PLEKHM3: variants seen among roughly 807,000 people sequenced by gnomAD.
PLEKHM3 encodes the protein pleckstrin homology domain-containing family M member 3.
A neutral mutation model predicts 81.8 loss-of-function variants in PLEKHM3; 45 were observed. That is an observed-to-expected ratio of 0.55 (90% confidence interval 0.43 to 0.71). PLEKHM3 has a LOEUF of 0.71. Ranked by LOEUF, PLEKHM3 falls within the 30% of genes least tolerant of loss-of-function variation. PLEKHM3 has a pLI of 0.00. For synonymous variants in PLEKHM3, 352 were observed against 356.4 expected (o/e 0.99, Z 0.14); for missense variants, 788 against 924.3 (o/e 0.85, Z 1.91).
At chr2:207,979,850 C>T (rs1264064108) in intron 2 of PLEKHM3, among the ~76,000 whole-genome samples, 1 of 152,196 alleles carries the variant, frequency 6.6e-6, no homozygotes, top group Non-Finnish European at 1.5e-5. Context: ...GTTTTACCTG[C>T]TTTACATCTC....
At chr2:207,973,873 GC>G (rs778254552) in intron 3 of PLEKHM3, among the ~76,000 whole-genome samples, 13 of 152,160 alleles carry the variant, frequency 8.5e-5, no homozygotes, top group Non-Finnish European at 1.2e-4. Flanking sequence ...AAATGGAACA[GC>G]TTTTCTTTCT....
At chr2:207,836,318 T>TGTC (rs569667064) in intron 7 of PLEKHM3, among the ~76,000 whole-genome samples, 1 of 131,852 alleles carries the variant, frequency 7.6e-6, no homozygotes, top group African/African-American at 2.8e-5. Context: ...AGAGAGAGTC[T>TGTC]AAAAAAAAAA....
chr2:207,966,028 G>A (rs956793008), intron 3 of PLEKHM3, among the ~76,000 whole-genome samples: 2 of 152,208 alleles, frequency 1.3e-5, no homozygotes, highest in Non-Finnish European at 2.9e-5. Flanking sequence ...CCAGACAGAG[G>A]TGGAAGAGTT....
At chr2:207,917,718 T>G (rs931951233) in intron 5 of PLEKHM3, among the ~76,000 whole-genome samples, 10 of 152,126 alleles carry the variant, frequency 6.6e-5, no homozygotes, top group African/African-American at 2.2e-4. Context: ...CATGATGGCA[T>G]GCAGCTGTAG....
intron 2 of PLEKHM3, among the ~76,000 whole-genome samples, chr2:207,994,874 C>T (rs991127388): frequency 6.6e-6 from 1 of 152,122 alleles, no homozygotes; most frequent in Non-Finnish European, 1.5e-5. Context: ...CTAGCACAGC[C>T]GACATTCCTT....
chr2:208,025,503 A>C lies in PLEKHM3; in HGVS notation c.-433T>G, dbSNP rs1000291854. 2.0e-5 allele frequency: 3 copies of C among 152,296 alleles called. No homozygotes were observed. The highest frequency in any genetic ancestry group is 7.2e-5 in the African/African-American group (3 of 41,440). The allele number at this position is 152,296 out of a possible 1,614,324, so 9.4% of individuals were successfully genotyped here. A position where few individuals can be genotyped will look rare whatever the true frequency, so the allele number is the denominator to read the frequency against. On this transcript the variant is annotated 5_prime_UTR_variant, in exon 1 of 8. Coordinates refer to ENST00000427836, the MANE Select transcript of PLEKHM3 (RefSeq NM_001080475.3). ...ACGGTGACAGCCCGCCCGGGCGCTG[A>C]CCATCCCGGCCCGGCTCTGTTTACA...
intron 2 of PLEKHM3, among the ~76,000 whole-genome samples, chr2:207,991,630 GCT>G (rs1691903413): frequency 6.6e-6 from 1 of 152,082 alleles, no homozygotes; most frequent in African/African-American, 2.4e-5. Context: ...GAGATGCCCT[GCT>G]CTCTCTCTTC....
intron 7 of PLEKHM3, among the ~76,000 whole-genome samples, chr2:207,844,363 C>T (rs978769809): frequency 2.0e-5 from 3 of 147,296 alleles, no homozygotes; most frequent in Non-Finnish European, 4.5e-5. Flanking sequence ...AGTGCAGTGG[C>T]GCGATCTCGG....
chr2:207,892,801 A>AG (rs1222186427), intron 6 of PLEKHM3, among the ~76,000 whole-genome samples: 1 of 152,256 alleles, frequency 6.6e-6, no homozygotes, highest in South Asian at 2.1e-4. Context: ...AAAACACAGT[A>AG]GGGGCCAAGA....
chr2:207,987,874 C>A (rs763303073), intron 2 of PLEKHM3, among the ~76,000 whole-genome samples: 3 of 152,174 alleles, frequency 2.0e-5, no homozygotes, highest in Non-Finnish European at 4.4e-5. Context: ...GGACTCCTAG[C>A]TTCTCAAGAT....
chr2:207,880,427 A>T (rs1243405123), intron 6 of PLEKHM3, among the ~76,000 whole-genome samples: 1 of 145,834 alleles, frequency 6.9e-6, no homozygotes, highest in Non-Finnish European at 1.5e-5. Flanking sequence ...AAAAAAACGC[A>T]AATTGATGTA....
chr2:207,956,968 G>C (rs1407078080), intron 3 of PLEKHM3, among the ~76,000 whole-genome samples: 2 of 152,004 alleles, frequency 1.3e-5, no homozygotes, highest in Non-Finnish European at 2.9e-5. Context: ...TTAGGTGGTG[G>C]TCTTGGAAAC....
chr2:207,858,134 A>ATGTGTGTG (rs1491285509), intron 7 of PLEKHM3, among the ~76,000 whole-genome samples: 7 of 120,412 alleles, frequency 5.8e-5, no homozygotes, highest in African/African-American at 2.0e-4. Context: ...TTTCATATAG[A>ATGTGTGTG]TATGTGTGTG....
At chr2:207,927,415 C>T (rs897110287) in intron 5 of PLEKHM3, among the ~76,000 whole-genome samples, 3 of 148,812 alleles carry the variant, frequency 2.0e-5, no homozygotes, top group Non-Finnish European at 4.4e-5. Flanking sequence ...ACTCAGGAGG[C>T]TGAGGCAGGA....
At chr2:207,851,920 C>T (rs2092414943) in intron 7 of PLEKHM3, among the ~76,000 whole-genome samples, 1 of 151,980 alleles carries the variant, frequency 6.6e-6, no homozygotes, top group Admixed American at 6.6e-5. Flanking sequence ...TGAACCTGAC[C>T]CGCCAAGGGA....
chr2:207,901,200 A>G lies in PLEKHM3; in HGVS notation c.1950+7314T>C, dbSNP rs375605389. ...TTCTGATCTGGCTTCCACAAAAGGC[A>G]GTGACTTTGTCCTTAGTGCCGCACA... On this transcript the variant is annotated intron_variant, in intron 6 of 7. Transcript: ENST00000427836. 4.4e-5 allele frequency: 31 copies of G among 700,182 alleles called. No homozygotes were observed. In the African/African-American group the frequency reaches 5.1e-4, roughly 11 times the overall value. The allele number at this position is 700,182 out of a possible 1,614,324, so 43.4% of individuals were successfully genotyped here.
At chr2:207,855,873 C>T (rs574631695) in intron 7 of PLEKHM3, among the ~76,000 whole-genome samples, 4 of 152,076 alleles carry the variant, frequency 2.6e-5, no homozygotes, top group African/African-American at 7.2e-5. Context: ...ATATGGTATC[C>T]GGGAACAGAA....
intron 5 of PLEKHM3, among the ~76,000 whole-genome samples, chr2:207,915,667 CAT>C (rs1688968097): frequency 6.6e-6 from 1 of 152,170 alleles, no homozygotes; most frequent in African/African-American, 2.4e-5. Flanking sequence ...AACATACACA[CAT>C]GTAAAATTAA....
intron 6 of PLEKHM3, among the ~76,000 whole-genome samples, chr2:207,893,629 A>G (rs1688131848): frequency 6.6e-6 from 1 of 152,198 alleles, no homozygotes; most frequent in Admixed American, 6.5e-5. Flanking sequence ...GATAGGAATT[A>G]AAATTAGTCA....
Sources: gnomAD v4.1 joint callset for allele counts (sites outside exome capture counted in the v4.1 genomes callset) on GRCh38, gnomAD v4.1.1 for gene constraint, MANE v1.5 for transcripts, NCBI Gene and HGNC (gene_info 2026-07-23, HGNC 2026-07-21) for gene names.